Variants in DCC observed in about 807,000 individuals in gnomAD.
DCC encodes netrin receptor DCC.
In DCC, 58 loss-of-function variants were observed where a neutral mutation model predicts 172.5. The ratio of observed to expected loss-of-function variants is 0.34; its 90% CI spans 0.27 to 0.42. The LOEUF is 0.42. DCC is among the 10% of genes least tolerant of loss of function. The pLI is 1.00. For missense variants in DCC, 1,740 were observed against 1,791.0 expected, an observed-to-expected ratio of 0.97 and a Z score of 0.51; for synonymous variants, 709 against 644.5, an observed-to-expected ratio of 1.10 and a Z score of -1.52.
At chr18:53,323,184 C>G (rs995325865) in intron 14 of DCC, among the ~76,000 whole-genome samples, 9 of 152,032 alleles carry the variant, frequency 5.9e-5, no homozygotes, top group Non-Finnish European at 1.2e-4. Flanking sequence ...CTCACTTTAA[C>G]TCTTTTCCTA....
chr18:53,225,000 T>C (rs1417861608), intron 12 of DCC, among the ~76,000 whole-genome samples: 1 of 152,134 alleles, frequency 6.6e-6, no homozygotes, highest in Non-Finnish European at 1.5e-5. Context: ...TTGGAATACT[T>C]AACATTTAGA....
At chr18:52,482,723 A>G (rs2030019377) in intron 1 of DCC, among the ~76,000 whole-genome samples, 3 of 152,178 alleles carry the variant, frequency 2.0e-5, no homozygotes, top group Admixed American at 2.0e-4. Context: ...TCTTGGAACT[A>G]CATAGATTCT....
At chr18:52,984,087 G>A (rs1246521185) in intron 5 of DCC, among the ~76,000 whole-genome samples, 1 of 152,026 alleles carries the variant, frequency 6.6e-6, no homozygotes, top group Non-Finnish European at 1.5e-5. Context: ...GTATGGCACT[G>A]TTTATAATGT....
chr18:52,360,430 A>C (rs1343966912), intron 1 of DCC, among the ~76,000 whole-genome samples: 1 of 152,222 alleles, frequency 6.6e-6, no homozygotes, highest in African/African-American at 2.4e-5. Flanking sequence ...TTTCTCTCCC[A>C]TTGTAGTGTA....
chr18:53,212,467 G>T (rs192643245), intron 11 of DCC, among the ~76,000 whole-genome samples: 5 of 152,190 alleles, frequency 3.3e-5, no homozygotes, highest in Admixed American at 3.3e-4. Context: ...TAGTGAGAAG[G>T]AGGGAGTAGG....
chr18:53,140,164 ATTC>A (rs1324230811), intron 7 of DCC, among the ~76,000 whole-genome samples: 2 of 152,202 alleles, frequency 1.3e-5, no homozygotes, highest in South Asian at 2.1e-4. Flanking sequence ...ATGATTTTTT[ATTC>A]TTTTCATATC....
At chr18:52,943,628 A>G (rs1294554392) in intron 5 of DCC, among the ~76,000 whole-genome samples, 4 of 152,242 alleles carry the variant, frequency 2.6e-5, no homozygotes, top group Non-Finnish European at 5.9e-5. Flanking sequence ...TTTTAAGACA[A>G]GAATGAATGT....
At chr18:52,740,671 G>A (rs992120269) in intron 1 of DCC, among the ~76,000 whole-genome samples, 1 of 152,146 alleles carries the variant, frequency 6.6e-6, no homozygotes, top group Non-Finnish European at 1.5e-5. Context: ...TCATAATAAA[G>A]CAGCCCACGC....
intron 2 of DCC, among the ~76,000 whole-genome samples, chr18:52,765,032 CTT>C (rs1193909081): frequency 6.0e-5 from 8 of 133,788 alleles, no homozygotes; most frequent in Admixed American, 7.2e-5. Flanking sequence ...TCTTTTTTTT[CTT>C]TTTTTTTTTT....
intron 1 of DCC, among the ~76,000 whole-genome samples, chr18:52,604,755 A>G (rs1470856681): frequency 1.3e-5 from 2 of 152,166 alleles, no homozygotes; most frequent in Non-Finnish European, 2.9e-5. Flanking sequence ...GAGGGAATGG[A>G]CAGGGGTCAT....
chr18:53,109,050 C>T (rs2043293099), intron 7 of DCC, among the ~76,000 whole-genome samples: 1 of 151,106 alleles, frequency 6.6e-6, no homozygotes, highest in African/African-American at 2.4e-5. Flanking sequence ...TGCAATTACT[C>T]TATATTCTCA....
At chr18:52,502,960 A>G (rs16955100) in intron 1 of DCC, among the ~76,000 whole-genome samples, 8,724 of 152,236 alleles carry the variant, frequency 0.057, 305 homozygotes, top group South Asian at 0.12. Flanking sequence ...TATTTGTCAT[A>G]TTATACATTT....
chr18:52,807,473 A>G (rs2038109887), intron 2 of DCC, among the ~76,000 whole-genome samples: 3 of 152,236 alleles, frequency 2.0e-5, no homozygotes. Flanking sequence ...GTATATATAA[A>G]TTCAAACATA....
At chr18:52,984,585 T>G (rs1263622286) in intron 5 of DCC, among the ~76,000 whole-genome samples, 1 of 152,124 alleles carries the variant, frequency 6.6e-6, no homozygotes, top group East Asian at 1.9e-4. Flanking sequence ...TTTATCCATT[T>G]ATTTAAGCCT....
intron 1 of DCC, among the ~76,000 whole-genome samples, chr18:52,642,643 A>G (rs909489235): frequency 2.0e-5 from 3 of 151,876 alleles, no homozygotes; most frequent in Admixed American, 6.6e-5. Flanking sequence ...TGAAAAAAAA[A>G]TCTTCAATTT....
At chr18:53,263,971 A>G (rs1367550533) in intron 12 of DCC, among the ~76,000 whole-genome samples, 1 of 152,118 alleles carries the variant, frequency 6.6e-6, no homozygotes, top group Non-Finnish European at 1.5e-5. Context: ...TTTCTGATTT[A>G]TGTGTAATAT....
intron 8 of DCC, among the ~76,000 whole-genome samples, chr18:53,159,117 G>A (rs937758354): frequency 6.6e-6 from 1 of 151,788 alleles, no homozygotes; most frequent in African/African-American, 2.4e-5. Context: ...GTGATCTTAC[G>A]ATGCCTCCTG....
At chr18:52,914,241 C>CA (rs2040009565) in intron 3 of DCC, among the ~76,000 whole-genome samples, 6 of 151,872 alleles carry the variant, frequency 4.0e-5, no homozygotes. Context: ...TCACTTCCTT[C>CA]AGACTTGCTA....
intron 2 of DCC, among the ~76,000 whole-genome samples, chr18:52,781,912 T>C (rs1460206032): frequency 2.6e-5 from 4 of 152,176 alleles, no homozygotes; most frequent in Non-Finnish European, 5.9e-5. Context: ...GTTTGAATGT[T>C]TAAACATACT....
Sources: allele counts gnomAD v4.1 joint callset (sites outside exome capture counted in the v4.1 genomes callset), GRCh38; gene constraint gnomAD v4.1.1; transcripts MANE v1.5; gene names NCBI Gene and HGNC (gene_info 2026-07-23, HGNC 2026-07-21).